The following PARP11 variants were observed in gnomAD, a reference collection of about 807,000 sequenced individuals.
PARP11 encodes the protein protein mono-ADP-ribosyltransferase PARP11.
Under a neutral mutation model 42.9 loss-of-function variants are expected in PARP11, and 31 were observed. The ratio of observed to expected loss-of-function variants is 0.72; its 90% CI spans 0.54 to 0.98. The LOEUF (loss-of-function observed/expected upper bound fraction) is 0.98. PARP11 is among the 50% of genes least tolerant of loss of function. PARP11 has a pLI of 0.00. For synonymous variants in PARP11, 137 were observed against 127.3 expected (o/e 1.08, Z -0.51); for missense variants, 365 against 413.1 (o/e 0.88, Z 1.01).
Position 3,861,625 on chromosome 12 carries a change from C to T in PARP11, c.18+11587G>A, listed in dbSNP as rs1948292271. On this transcript the variant is annotated intron_variant, in intron 1 of 7. Coordinates refer to ENST00000228820, the MANE Select transcript of PARP11 (RefSeq NM_020367.6). This position sits in a 1 kb window ranked among gnomAD's most constrained non-coding sequence, Gnocchi z 4.6. ...TTCTCCCGTCTGTGGCTTATCTTTT[C>T]ATTCTCCTAGAAGCATGTTTTCAAC... 6.6e-6 allele frequency among the ~76,000 whole-genome samples: 1 copy of T among 152,160 alleles called. No homozygotes were observed. Among genetic ancestry groups the T allele is most frequent in the Admixed American group, 6.5e-5 (1 of 15,276 alleles).
intron 1 of PARP11, among the ~76,000 whole-genome samples, chr12:3,864,684 G>T (rs1948358819): frequency 6.6e-6 from 1 of 152,076 alleles, no homozygotes; most frequent in Non-Finnish European, 1.5e-5. Flanking sequence ...TTGTCATACT[G>T]CTTGATATAA....
At chr12:3,832,279 C>T (rs1947658519) in intron 1 of PARP11, 2 of 182,256 alleles carry the variant, frequency 1.1e-5, no homozygotes, top group Admixed American at 6.5e-5. Context: ...CTATTTTTTT[C>T]GTCCACAATC....
At chr12:3,823,169 CTTATT>C (rs1376392410) in intron 4 of PARP11, among the ~76,000 whole-genome samples, 3 of 152,184 alleles carry the variant, frequency 2.0e-5, no homozygotes, top group South Asian at 2.1e-4. Context: ...TTTTTTCAAA[CTTATT>C]TTAATGAAAA....
intron 1 of PARP11, among the ~76,000 whole-genome samples, chr12:3,848,775 C>T (rs1271971912): frequency 6.6e-6 from 1 of 151,976 alleles, no homozygotes; most frequent in African/African-American, 2.4e-5. Context: ...CTCAAAAGCA[C>T]TGCAACCAAA....
intron 1 of PARP11, among the ~76,000 whole-genome samples, chr12:3,859,324 C>T (rs761787348): frequency 8.4e-4 from 127 of 151,898 alleles, no homozygotes; most frequent in African/African-American, 2.7e-3. Context: ...TAGCACTTTG[C>T]GAGGCCGAGG....
intron 1 of PARP11, among the ~76,000 whole-genome samples, chr12:3,851,346 C>T (rs1314623489): frequency 2.0e-5 from 3 of 152,190 alleles, no homozygotes; most frequent in Admixed American, 2.0e-4. Context: ...GGGGATTTCC[C>T]TTTCCTAGCC....
intron 1 of PARP11, among the ~76,000 whole-genome samples, chr12:3,837,157 A>G (rs575448731): frequency 2.6e-5 from 4 of 152,126 alleles, no homozygotes; most frequent in Non-Finnish European, 5.9e-5. Flanking sequence ...TAGGAGCTTC[A>G]CTCCACAGGT....
Position 3,840,244 on chromosome 12 carries a change from G to T in PARP11, c.19-10226C>A. On this transcript the variant is annotated intron_variant, in intron 1 of 7. Transcript: ENST00000228820. The surrounding 1 kb of genome is among the most constrained non-coding windows in gnomAD (Gnocchi z 4.4). The stretch of plus-strand genomic sequence containing the variant: ...AGGAGTTCATTCTGAGAATGGACCA[G>T]TTTTGGTTGAAGAACTGGGAAAGTA... 1 of 1,613,312 alleles carries T rather than the reference G, an allele frequency of 6.2e-7. No individual in the cohort carries two copies. Among genetic ancestry groups the T allele is most frequent in the Non-Finnish European group, 8.5e-7 (1 of 1,179,196 alleles).
At chr12:3,817,016 CCT>C (rs1324200834) in intron 6 of PARP11, among the ~76,000 whole-genome samples, 2 of 151,502 alleles carry the variant, frequency 1.3e-5, no homozygotes, top group African/African-American at 4.9e-5. Flanking sequence ...ATGGTGAAAC[CCT>C]GTCTCTACTA....
Position 3,841,224 on chromosome 12 carries a change from A to G in PARP11, c.19-11206T>C, listed in dbSNP as rs1340244527. Reference sequence around the variant, plus strand: ...ATCGAGCCATTGTACCACCTTCTTCACTGTGTCAGACTGGGGAGGACCTAC... The same window carrying G: ...ATCGAGCCATTGTACCACCTTCTTCGCTGTGTCAGACTGGGGAGGACCTAC... On this transcript the variant is annotated intron_variant, in intron 1 of 7. Transcript: ENST00000228820. 3.4e-6 allele frequency: 5 copies of G among 1,485,994 alleles called. No homozygotes were observed. In the East Asian group the frequency reaches 6.8e-5, roughly 20 times the overall value. The allele number at this position is 1,485,994 out of a possible 1,614,324, so 92.1% of individuals were successfully genotyped here.
chr12:3,832,835 G>A (rs1426732343), intron 1 of PARP11, among the ~76,000 whole-genome samples: 1 of 152,176 alleles, frequency 6.6e-6, no homozygotes. Flanking sequence ...TGATTTTCCT[G>A]TTTGTAATTA....
chr12:3,840,455 G>C lies in PARP11; in HGVS notation c.19-10437C>G, dbSNP rs1225194768. 24 of 1,613,150 alleles carry C rather than the reference G, an allele frequency of 1.5e-5. No individual in the cohort carries two copies. The African/African-American group carries it at 2.0e-4, about 13-fold the overall frequency. ...CCTCCTCGACTGCAGCATCCTTCAG[G>C]AGTAAGACAACGTGAGTTCTCTAGT... On this transcript the variant is annotated intron_variant, in intron 1 of 7. Coordinates refer to ENST00000228820, the MANE Select transcript of PARP11 (RefSeq NM_020367.6). The surrounding 1 kb of genome is among the most constrained non-coding windows in gnomAD (Gnocchi z 4.4).
At chr12:3,821,290 G>A (rs1292180934) in intron 6 of PARP11, among the ~76,000 whole-genome samples, 1 of 152,140 alleles carries the variant, frequency 6.6e-6, no homozygotes, top group African/African-American at 2.4e-5. Context: ...TAAAAAATAT[G>A]GCAGAACAGG....
At chr12:3,866,706 A>G (rs1435386522) in intron 1 of PARP11, among the ~76,000 whole-genome samples, 1 of 152,206 alleles carries the variant, frequency 6.6e-6, no homozygotes, top group Non-Finnish European at 1.5e-5. Flanking sequence ...AATAAGGACA[A>G]AGAAGAAACC....
intron 1 of PARP11, among the ~76,000 whole-genome samples, chr12:3,856,472 A>C (rs760838526): frequency 3.3e-5 from 5 of 152,256 alleles, no homozygotes; most frequent in Non-Finnish European, 7.3e-5. Context: ...ATATGAATAG[A>C]CACTTTTCAA....
chr12:3,850,526 T>A (rs553420794), intron 1 of PARP11, among the ~76,000 whole-genome samples: 1 of 152,142 alleles, frequency 6.6e-6, no homozygotes, highest in East Asian at 1.9e-4. Flanking sequence ...ATGTCCAGAT[T>A]CCCCCACGCA....
At chr12:3,818,562 C>T (rs547894686) in intron 6 of PARP11, among the ~76,000 whole-genome samples, 2 of 152,162 alleles carry the variant, frequency 1.3e-5, no homozygotes, top group Admixed American at 1.3e-4. Flanking sequence ...ATTTTAAAAA[C>T]ATAACATAAC....
At chr12:3,872,256 C>G (rs868737778) in intron 1 of PARP11, among the ~76,000 whole-genome samples, 1 of 152,138 alleles carries the variant, frequency 6.6e-6, no homozygotes, top group Middle Eastern at 3.2e-3. Context: ...ACACAGTTGT[C>G]TATTCTTCAT....
chr12:3,853,269 G>A (rs941767365), intron 1 of PARP11, among the ~76,000 whole-genome samples: 50 of 152,178 alleles, frequency 3.3e-4, no homozygotes, highest in African/African-American at 1.2e-3. Context: ...GACAGAATCC[G>A]ATTCACACAT....
Sources: allele counts gnomAD v4.1 joint callset (sites outside exome capture counted in the v4.1 genomes callset), GRCh38; gene constraint gnomAD v4.1.1; non-coding constraint Gnocchi (gnomAD v3.1); transcripts MANE v1.5; gene names NCBI Gene and HGNC (gene_info 2026-07-23, HGNC 2026-07-21).